Variants in POC1B observed in about 807,000 individuals in gnomAD.
POC1B encodes POC1 centriolar protein homolog B.
POC1B carries 44 observed loss-of-function variants against 60.6 expected under a neutral mutation model. The ratio of observed to expected loss-of-function variants is 0.73; its 90% CI spans 0.57 to 0.93. The LOEUF (loss-of-function observed/expected upper bound fraction) is 0.93. Among genes scored for constraint, POC1B ranks in the 40% least tolerant of loss-of-function variants. The pLI is 0.00. For missense variants in POC1B, 555 were observed against 572.3 expected, an observed-to-expected ratio of 0.97 and a Z score of 0.31; for synonymous variants, 180 against 198.9, an observed-to-expected ratio of 0.90 and a Z score of 0.80.
At chr12:89,503,305 CGG>C (rs1018423332) in intron 2 of POC1B, among the ~76,000 whole-genome samples, 3 of 152,230 alleles carry the variant, frequency 2.0e-5, no homozygotes, top group African/African-American at 7.2e-5. Flanking sequence ...TTGGTGGAGA[CGG>C]GGTTTCGCTG....
At chr12:89,470,773 G>T (rs1405453663) in intron 6 of POC1B, among the ~76,000 whole-genome samples, 1 of 152,168 alleles carries the variant, frequency 6.6e-6, no homozygotes, top group Non-Finnish European at 1.5e-5. Flanking sequence ...AAAACTGACA[G>T]TTAATCATCA....
intron 1 of POC1B, chr12:89,525,497 C>A (rs1182160821): frequency 1.7e-5 from 23 of 1,319,652 alleles, no homozygotes; most frequent in Non-Finnish European, 9.6e-6. Context: ...CGTTCCCGGG[C>A]CCCGCCCGCT....
chr12:89,435,016 C>G (rs1222012425), intron 10 of POC1B, among the ~76,000 whole-genome samples: 1 of 151,842 alleles, frequency 6.6e-6, no homozygotes, highest in African/African-American at 2.4e-5. Flanking sequence ...CATTGTTTTA[C>G]TGGATGAAAA....
At chr12:89,412,807 G>GTTCC in the POC1B span, among the ~76,000 whole-genome samples, 18,244 of 127,434 alleles carry the variant, frequency 0.14, 1,637 homozygotes, top group East Asian at 0.22. Flanking sequence ...AGAAACACAT[G>GTTCC]TTCCTTCCTT....
intron 2 of POC1B, among the ~76,000 whole-genome samples, chr12:89,498,122 A>G (rs1298649082): frequency 6.6e-6 from 1 of 152,240 alleles, no homozygotes; most frequent in African/African-American, 2.4e-5. Context: ...TATAGCAACT[A>G]TATTTTATCA....
At chr12:89,525,521 C>A (rs1871384509) in intron 1 of POC1B, 2 of 1,308,072 alleles carry the variant, frequency 1.5e-6, no homozygotes, top group Non-Finnish European at 1.9e-6. Flanking sequence ...CCAAGGCAGG[C>A]AGGTGCGAGG....
chr12:89,502,315 A>T, intron 2 of POC1B: 2 of 1,611,034 alleles, frequency 1.2e-6, no homozygotes, highest in Non-Finnish European at 1.7e-6. Context: ...CAACACACCA[A>T]ATGTTCGCAG....
chr12:89,521,098 A>ATTTTTTTTTTTTTTTTTTTTTT lies in POC1B; in HGVS notation c.100+4021_100+4022insAAAAAAAAAAAAAAAAAAAAAA, dbSNP rs201411448. 1.8e-5 allele frequency: 2 copies of ATTTTTTTTTTTTTTTTTTTTTT among 113,250 alleles called. 1 individual carries two copies. The highest frequency in any genetic ancestry group is 7.0e-5 in the African/African-American group (2 of 28,636). The allele number at this position is 113,250 out of a possible 1,614,324, so 7.0% of individuals were successfully genotyped here. A position where few individuals can be genotyped will look rare whatever the true frequency, so the allele number is the denominator to read the frequency against. On this transcript the variant is annotated intron_variant, in intron 2 of 11. Coordinates refer to ENST00000313546, the MANE Select transcript of POC1B (RefSeq NM_172240.3). ...CACTTCAGGTGAGTTCAGCTCACTT[A>ATTTTTTTTTTTTTTTTTTTTTT]TTTTATTATTATTTTTTTTTTTTGA...
intron 4 of POC1B, 85 bp from the exon 5 acceptor site, chr12:89,472,360 T>A: frequency 1.2e-6 from 1 of 868,038 alleles, no homozygotes. Flanking sequence ...TAAACCAGGC[T>A]GTAAATATTA....
At chr12:89,441,463 T>G (rs1881519091) in intron 10 of POC1B, among the ~76,000 whole-genome samples, 1 of 152,160 alleles carries the variant, frequency 6.6e-6, no homozygotes. Flanking sequence ...CTGCAATATT[T>G]GCTGTTCTGA....
intron 4 of POC1B, among the ~76,000 whole-genome samples, chr12:89,482,048 A>T (rs973067048): frequency 2.0e-5 from 3 of 152,234 alleles, no homozygotes; most frequent in Admixed American, 6.5e-5. Flanking sequence ...TTGGACATAC[A>T]ATTAAAAAAT....
At chr12:89,474,124 C>T (rs567455310) in intron 4 of POC1B, among the ~76,000 whole-genome samples, 72 of 151,198 alleles carry the variant, frequency 4.8e-4, no homozygotes, top group African/African-American at 1.6e-3. Flanking sequence ...GAGAATTGCT[C>T]GAACCCGGGA....
intron 3 of POC1B, among the ~76,000 whole-genome samples, chr12:89,493,988 T>A (rs1420289631): frequency 6.6e-6 from 1 of 152,234 alleles, no homozygotes; most frequent in Non-Finnish European, 1.5e-5. Context: ...CTGCCCACTG[T>A]GACCAACTCT....
intron 9 of POC1B, among the ~76,000 whole-genome samples, chr12:89,462,358 G>A (rs1882513422): frequency 6.6e-6 from 1 of 152,066 alleles, no homozygotes; most frequent in Non-Finnish European, 1.5e-5. Context: ...GCCTATGAGA[G>A]GCCAAGTTCT....
At chr12:89,513,012 C>G (rs568323330) in intron 2 of POC1B, among the ~76,000 whole-genome samples, 2 of 152,194 alleles carry the variant, frequency 1.3e-5, no homozygotes, top group South Asian at 4.1e-4. Flanking sequence ...GACGTTATTT[C>G]TAGTAAATTA....
At chr12:89,435,866 T>A (rs1881237238) in intron 10 of POC1B, among the ~76,000 whole-genome samples, 1 of 152,044 alleles carries the variant, frequency 6.6e-6, no homozygotes, top group African/African-American at 2.4e-5. Flanking sequence ...TATGATAATA[T>A]ATCTTTTCTC....
At chr12:89,473,701 C>G (rs1374135560) in intron 4 of POC1B, among the ~76,000 whole-genome samples, 2 of 147,460 alleles carry the variant, frequency 1.4e-5, no homozygotes, top group Non-Finnish European at 1.5e-5. Flanking sequence ...AGAAAATAAC[C>G]TTTCAAGGAA....
chr12:89,474,738 T>C (rs1883039772), intron 4 of POC1B, among the ~76,000 whole-genome samples: 1 of 152,184 alleles, frequency 6.6e-6, no homozygotes, highest in Non-Finnish European at 1.5e-5. Context: ...GAAAGTGTCT[T>C]CTACTGGCCC....
intron 4 of POC1B, among the ~76,000 whole-genome samples, chr12:89,479,208 T>A (rs1191724390): frequency 6.6e-6 from 1 of 152,200 alleles, no homozygotes; most frequent in African/African-American, 2.4e-5. Flanking sequence ...TGCATTCCAT[T>A]TCCCCATGTA....
Sources: gnomAD v4.1 joint callset for allele counts (sites outside exome capture counted in the v4.1 genomes callset) on GRCh38, gnomAD v4.1.1 for gene constraint, MANE v1.5 for transcripts, NCBI Gene and HGNC (gene_info 2026-07-23, HGNC 2026-07-21) for gene names.